Variants in ELSPBP1 observed in about 807,000 individuals in gnomAD.
The protein encoded by ELSPBP1 is epididymal sperm binding protein 1.
ELSPBP1 carries 38 observed loss-of-function variants against 33.3 expected under a neutral mutation model. The observed-to-expected ratio is 1.14, with a 90% CI of 0.88 to 1.50. The LOEUF (loss-of-function observed/expected upper bound fraction) is 1.50, where lower values mean the gene tolerates loss of function less well. ELSPBP1 is among the 40% of genes most tolerant of loss of function. The probability of loss-of-function intolerance (pLI) is 0.00; values close to 1 mark genes in which losing one functional copy is unlikely to be tolerated. For missense variants in ELSPBP1, 267 were observed against 263.5 expected (o/e 1.01, Z -0.09); for synonymous variants, 85 against 94.1 (o/e 0.90, Z 0.56).
chr19:48,002,331 T>A (rs1233266948), intron 1 of ELSPBP1, among the ~76,000 whole-genome samples: 2 of 152,156 alleles, frequency 1.3e-5, no homozygotes, highest in East Asian at 3.9e-4. Context: ...ATTTGAATCT[T>A]GAGGAGAAGG....
chr19:48,023,334 A>AAGGG (rs1487122710), intron 6 of ELSPBP1, among the ~76,000 whole-genome samples: 1 of 127,998 alleles, frequency 7.8e-6, no homozygotes, highest in African/African-American at 3.0e-5. Context: ...GGAAAGAAGG[A>AAGGG]AGGGAGGGAG....
At chr19:48,003,539 CT>C (rs34961390) in intron 1 of ELSPBP1, among the ~76,000 whole-genome samples, 2,384 of 138,834 alleles carry the variant, frequency 0.017, 50 homozygotes, top group Admixed American at 0.069. Context: ...CACCCCTGCT[CT>C]TTTTTTTTTT....
chr19:48,019,662 T>G, intron 4 of ELSPBP1, 57 bp from the exon 5 acceptor site: 1 of 1,545,322 alleles, frequency 6.5e-7, no homozygotes, highest in South Asian at 1.2e-5. Flanking sequence ...GTGTCATAAA[T>G]GGAAGCTCTT....
intron 2 of ELSPBP1, among the ~76,000 whole-genome samples, 172 bp downstream of exon 2, chr19:48,008,909 G>A (rs1967049909): frequency 6.6e-6 from 1 of 152,158 alleles, no homozygotes; most frequent in African/African-American, 2.4e-5. Flanking sequence ...GCTGAGGCAG[G>A]CAGATCACTT....
At chr19:48,007,923 G>A (rs1024365190) in intron 1 of ELSPBP1, among the ~76,000 whole-genome samples, 1 of 152,144 alleles carries the variant, frequency 6.6e-6, no homozygotes, top group African/African-American at 2.4e-5. Context: ...ATCGAGCCTG[G>A]AGTACAGTAA....
At chr19:48,022,056 C>T (rs1345172203) in intron 5 of ELSPBP1, 114 bp from the exon 6 acceptor site, 57 of 953,894 alleles carry the variant, frequency 6.0e-5, no homozygotes, top group South Asian at 1.3e-4. Context: ...ATTAAAGGCG[C>T]GAACCACCAC....
chr19:47,998,668 T>G (rs1966936097), intron 1 of ELSPBP1, among the ~76,000 whole-genome samples: 1 of 151,010 alleles, frequency 6.6e-6, no homozygotes, highest in South Asian at 2.1e-4. Flanking sequence ...GCGCCTGTAG[T>G]CCCAGCTACG....
chr19:48,023,520 G>A (rs117220683), intron 6 of ELSPBP1, among the ~76,000 whole-genome samples: 4 of 31,038 alleles, frequency 1.3e-4, no homozygotes, highest in Non-Finnish European at 5.2e-4. Context: ...AGGAAATAAG[G>A]AAGGAAGGGA....
chr19:48,006,194 A>G (rs1231980885), intron 1 of ELSPBP1, among the ~76,000 whole-genome samples: 1 of 152,056 alleles, frequency 6.6e-6, no homozygotes, highest in Non-Finnish European at 1.5e-5. Context: ...TCCTGGCCTC[A>G]AGCAATCCTC....
chr19:48,013,397 G>A (rs1408737887), intron 2 of ELSPBP1, among the ~76,000 whole-genome samples: 1 of 152,166 alleles, frequency 6.6e-6, no homozygotes, highest in East Asian at 1.9e-4. Flanking sequence ...CATGAGAACT[G>A]TCTCAGTCCA....
At chr19:48,005,867 G>T (rs557989060) in intron 1 of ELSPBP1, among the ~76,000 whole-genome samples, 2 of 152,142 alleles carry the variant, frequency 1.3e-5, no homozygotes, top group African/African-American at 4.8e-5. Context: ...CATATCTGGG[G>T]TAGTAATGGT....
At chr19:48,016,465 CTTCT>C (rs1196910160) in intron 4 of ELSPBP1, among the ~76,000 whole-genome samples, 126 of 44,532 alleles carry the variant, frequency 2.8e-3, no homozygotes, top group African/African-American at 0.013. Flanking sequence ...CTTTTCTTTC[CTTCT>C]TTCTTTCTTT....
intron 4 of ELSPBP1, among the ~76,000 whole-genome samples, chr19:48,016,523 TCTTTCTTCCTTC>T (rs1309141838): frequency 6.8e-4 from 45 of 66,000 alleles, no homozygotes; most frequent in Admixed American, 3.1e-3. Context: ...TTTCTTTCTT[TCTTTCTTCCTTC>T]CTTCCTTCCT....
At chr19:48,004,966 G>A (rs946976620) in intron 1 of ELSPBP1, among the ~76,000 whole-genome samples, 8 of 152,216 alleles carry the variant, frequency 5.3e-5, no homozygotes, top group Non-Finnish European at 7.3e-5. Context: ...AGGAGGCTAC[G>A]CAGGAGGATG....
intron 5 of ELSPBP1, among the ~76,000 whole-genome samples, chr19:48,020,761 C>A (rs999572976): frequency 2.0e-5 from 3 of 152,108 alleles, no homozygotes; most frequent in Non-Finnish European, 2.9e-5. Context: ...TATCTTCCAG[C>A]CTTTCTCATG....
At chr19:48,010,590 A>G (rs554262932) in intron 2 of ELSPBP1, among the ~76,000 whole-genome samples, 29 of 152,330 alleles carry the variant, frequency 1.9e-4, no homozygotes, top group South Asian at 4.1e-4. Flanking sequence ...GACTCTGAGT[A>G]TTATAAGTGT....
intron 1 of ELSPBP1, among the ~76,000 whole-genome samples, chr19:47,998,298 G>T (rs1031173699): frequency 6.6e-6 from 1 of 152,050 alleles, no homozygotes; most frequent in African/African-American, 2.4e-5. Flanking sequence ...TGTAATACCA[G>T]CTACTCGGGA....
At chr19:48,008,431 C>T (rs1281556607) in intron 1 of ELSPBP1, among the ~76,000 whole-genome samples, 5 of 152,086 alleles carry the variant, frequency 3.3e-5, no homozygotes, top group Admixed American at 3.3e-4. Flanking sequence ...GGTGGGGTCT[C>T]ACTATGTTGT....
chr19:48,008,873 C>G, intron 2 of ELSPBP1, 136 bp downstream of exon 2: 1 of 697,540 alleles, frequency 1.4e-6, no homozygotes, highest in Non-Finnish European at 2.4e-6. Flanking sequence ...CGGTGGCTGA[C>G]ACCTGTAATC....
Sources: gnomAD v4.1 joint callset for allele counts (sites outside exome capture counted in the v4.1 genomes callset) on GRCh38, gnomAD v4.1.1 for gene constraint, MANE v1.5 for transcripts, NCBI Gene and HGNC (gene_info 2026-07-23, HGNC 2026-07-21) for gene names.